IDE: variants seen among roughly 807,000 people sequenced by gnomAD.
IDE encodes insulin degrading enzyme, also known as insulin-degrading enzyme.
A neutral mutation model predicts 133.2 loss-of-function variants in IDE; 58 were observed. The observed-to-expected ratio is 0.44, with a 90% CI of 0.35 to 0.54. The LOEUF (loss-of-function observed/expected upper bound fraction) is 0.54. Ranked by LOEUF, IDE falls within the 20% of genes least tolerant of loss-of-function variation. The probability of loss-of-function intolerance (pLI) is 0.00; values close to 1 mark genes in which losing one functional copy is unlikely to be tolerated. For missense variants in IDE, 981 were observed against 1,234.0 expected (o/e 0.79, Z 3.07); for synonymous variants, 396 against 421.3 (o/e 0.94, Z 0.73).
At chr10:92,460,366 G>A (rs1022560351) in intron 22 of IDE, among the ~76,000 whole-genome samples, 4 of 152,140 alleles carry the variant, frequency 2.6e-5, no homozygotes, top group African/African-American at 9.7e-5. Context: ...AAGTTCTTTT[G>A]TTTTCTTTGT....
At chr10:92,470,218 G>T in intron 18 of IDE, 36 bp downstream of exon 18, 1 of 1,355,388 alleles carries the variant, frequency 7.4e-7, no homozygotes, top group East Asian at 2.3e-5. Flanking sequence ...ATCTTGCAAT[G>T]ATCCACAAAA....
chr10:92,509,876 G>A (rs1160849738), intron 6 of IDE, among the ~76,000 whole-genome samples, 174 bp downstream of exon 6: 2 of 142,316 alleles, frequency 1.4e-5, no homozygotes, highest in Non-Finnish European at 3.0e-5. Flanking sequence ...AGCCATGATC[G>A]CACCACTGCA....
chr10:92,521,955 G>T (rs1849247562), intron 4 of IDE, among the ~76,000 whole-genome samples: 1 of 151,938 alleles, frequency 6.6e-6, no homozygotes. Context: ...AATACAAAAG[G>T]GTGAATGGAA....
At position 92,454,069 on chromosome 10, in the gene IDE, C is replaced by T. The variant is rs1844865588; in HGVS notation, c.*375G>A. On this transcript the variant is annotated 3_prime_UTR_variant, in exon 25 of 25. Transcript: ENST00000265986. The stretch of plus-strand genomic sequence containing the variant: ...CTAAATGTTGTGAAGCCTTCTATGT[C>T]AAGCTAGGAGGCTTTTAGAAAAGAG... The T allele has an allele frequency of 6.2e-6, 1 of 160,466 alleles. No individual in the cohort carries two copies. Among genetic ancestry groups the T allele is most frequent in the Non-Finnish European group, 1.4e-5 (1 of 73,002 alleles). 9.9% of individuals were successfully genotyped at this position (160,466 alleles called of 1,614,324 possible).
chr10:92,565,645 C>T (rs1475536303), intron 1 of IDE, among the ~76,000 whole-genome samples: 2 of 152,076 alleles, frequency 1.3e-5, no homozygotes, highest in Non-Finnish European at 2.9e-5. Context: ...TTTCCTATAT[C>T]CATCCATGTC....
chr10:92,491,134 A>G (rs897008768), intron 11 of IDE, among the ~76,000 whole-genome samples: 12 of 152,058 alleles, frequency 7.9e-5, no homozygotes, highest in African/African-American at 2.9e-4. Context: ...GCTACTTGGA[A>G]AACTGAGGTG....
At chr10:92,487,459 T>A in intron 12 of IDE, 141 bp from the exon 13 acceptor site, 1 of 736,208 alleles carries the variant, frequency 1.4e-6, no homozygotes, top group South Asian at 2.1e-5. Flanking sequence ...AAAGAGGTAC[T>A]ACCAAATCTA....
chr10:92,456,254 T>G, intron 23 of IDE, 105 bp downstream of exon 23: 1 of 812,974 alleles, frequency 1.2e-6, no homozygotes, highest in Non-Finnish European at 2.2e-6. Flanking sequence ...GTTTCCGTTC[T>G]CTACCTCTTT....
intron 19 of IDE, among the ~76,000 whole-genome samples, chr10:92,467,182 A>T (rs1203350058): frequency 6.6e-6 from 1 of 150,764 alleles, no homozygotes; most frequent in Non-Finnish European, 1.5e-5. Context: ...TCAAGCGATC[A>T]TCCCACCTCA....
intron 1 of IDE, among the ~76,000 whole-genome samples, chr10:92,542,869 A>G (rs1842376430): frequency 1.3e-5 from 2 of 152,254 alleles, no homozygotes; most frequent in African/African-American, 4.8e-5. Flanking sequence ...TGCAAAAACA[A>G]ATCCCCAAAT....
intron 1 of IDE, among the ~76,000 whole-genome samples, chr10:92,560,443 T>C (rs1843221367): frequency 6.6e-6 from 1 of 152,146 alleles, no homozygotes; most frequent in South Asian, 2.1e-4. Context: ...TTTGCTCTCT[T>C]TTCTCCCTCT....
chr10:92,487,083 G>A, intron 13 of IDE, 113 bp downstream of exon 13: 2 of 955,362 alleles, frequency 2.1e-6, no homozygotes, highest in East Asian at 2.6e-5. Context: ...TCACCTATTA[G>A]GATGTGAGCC....
At chr10:92,507,298 C>T (rs1355252674) in intron 9 of IDE, among the ~76,000 whole-genome samples, 1 of 152,140 alleles carries the variant, frequency 6.6e-6, no homozygotes, top group Non-Finnish European at 1.5e-5. Flanking sequence ...CAAGAAACTG[C>T]TGATTTTCTT....
intron 4 of IDE, among the ~76,000 whole-genome samples, chr10:92,526,015 G>C (rs2135636466): frequency 6.6e-6 from 1 of 151,984 alleles, no homozygotes; most frequent in Non-Finnish European, 1.5e-5. Context: ...AATCAGCTGG[G>C]CGTTGTGGTG....
chr10:92,535,190 G>A (rs113870470), intron 2 of IDE, among the ~76,000 whole-genome samples: 2,151 of 152,200 alleles, frequency 0.014, 20 homozygotes, highest in Non-Finnish European at 0.022. Flanking sequence ...TGCAAGCTCC[G>A]CCTCCTGGGT....
At chr10:92,533,999 G>A (rs1589494070) in intron 3 of IDE, among the ~76,000 whole-genome samples, 1 of 151,568 alleles carries the variant, frequency 6.6e-6, no homozygotes, top group East Asian at 1.9e-4. Flanking sequence ...TTCCAGCCTG[G>A]GAAACAAGTG....
rs59700781 is a variant in IDE, at chr10:92,510,701, CAT to C, written c.785-541_785-540del. Reference sequence around the variant, plus strand: ...TATGATATATATCACATACATCTCACATATATGATATATATCACATACATCTC... The same window carrying C: ...TATGATATATATCACATACATCTCACATATGATATATATCACATACATCTC... On this transcript the variant is annotated intron_variant, in intron 5 of 24. Coordinates refer to ENST00000265986, the MANE Select transcript of IDE (RefSeq NM_004969.4). Among the ~76,000 whole-genome samples the C allele has an allele frequency of 1.1e-3, 169 of 151,426 alleles. 1 individual carries two copies. Among genetic ancestry groups the C allele is most frequent in the Middle Eastern group, 0.01 (3 of 288 alleles).
chr10:92,456,297 T>C (rs1845002173), intron 23 of IDE, 62 bp downstream of exon 23: 5 of 1,154,412 alleles, frequency 4.3e-6, no homozygotes, highest in African/African-American at 1.5e-5. Context: ...CATGTAGCTA[T>C]GACAAAGGCC....
At chr10:92,532,195 G>A (rs929019812) in intron 3 of IDE, among the ~76,000 whole-genome samples, 1 of 149,566 alleles carries the variant, frequency 6.7e-6, no homozygotes, top group Non-Finnish European at 1.5e-5. Context: ...GCAGATTATG[G>A]ACAATAGCAG....
Sources: gnomAD v4.1 joint callset for allele counts (sites outside exome capture counted in the v4.1 genomes callset) on GRCh38, gnomAD v4.1.1 for gene constraint, MANE v1.5 for transcripts, NCBI Gene and HGNC (gene_info 2026-07-23, HGNC 2026-07-21) for gene names.